The following HTR1E variants were observed in gnomAD, a reference collection of about 807,000 sequenced individuals.
HTR1E encodes 5-hydroxytryptamine receptor 1E, also known as 5-HT-1E.
In HTR1E, 3 loss-of-function variants were observed where a neutral mutation model predicts 3.4. The ratio of observed to expected loss-of-function variants is 0.89; its 90% CI spans 0.41 to 2.31. The LOEUF (loss-of-function observed/expected upper bound fraction) is 2.31. Among genes scored for constraint, HTR1E ranks in the 30% most tolerant of loss-of-function variants. HTR1E has a pLI of 0.05. For missense variants in HTR1E, 392 were observed against 467.0 expected, an observed-to-expected ratio of 0.84 and a Z score of 1.48; for synonymous variants, 170 against 182.8, an observed-to-expected ratio of 0.93 and a Z score of 0.56.
chr6:86,971,008 G>T, intron 1 of HTR1E: 1 of 452,612 alleles, frequency 2.2e-6, no homozygotes, highest in Middle Eastern at 3.8e-4. Flanking sequence ...CATCTGCTTG[G>T]AGGATCTGAT....
intron 1 of HTR1E, among the ~76,000 whole-genome samples, chr6:86,992,674 T>C (rs183789842): frequency 9.9e-5 from 15 of 152,284 alleles, no homozygotes; most frequent in African/African-American, 3.6e-4. Context: ...GTTTATTGAG[T>C]ATCTCTTAGG....
At chr6:86,957,403 G>A (rs1419275033) in intron 1 of HTR1E, among the ~76,000 whole-genome samples, 5 of 152,102 alleles carry the variant, frequency 3.3e-5, no homozygotes, top group Non-Finnish European at 5.9e-5. Context: ...AGCTTTGTAC[G>A]ATAACCTCTA....
At chr6:86,965,209 A>T (rs1767456845) in intron 1 of HTR1E, among the ~76,000 whole-genome samples, 1 of 152,140 alleles carries the variant, frequency 6.6e-6, no homozygotes, top group Admixed American at 6.5e-5. Flanking sequence ...TGCTCCTCTG[A>T]CAGAGCAAGC....
At chr6:86,963,337 C>T (rs1030185480) in intron 1 of HTR1E, among the ~76,000 whole-genome samples, 4 of 152,030 alleles carry the variant, frequency 2.6e-5, no homozygotes, top group Non-Finnish European at 5.9e-5. Flanking sequence ...TTAGTAGGGA[C>T]AGGATTTCAC....
chr6:87,002,035 T>C (rs1768031541), intron 1 of HTR1E, among the ~76,000 whole-genome samples: 1 of 152,234 alleles, frequency 6.6e-6, no homozygotes, highest in African/African-American at 2.4e-5. Flanking sequence ...GGTCATTATA[T>C]AATGATTAAA....
chr6:86,950,515 C>A (rs1283338707), intron 1 of HTR1E, among the ~76,000 whole-genome samples: 1 of 152,180 alleles, frequency 6.6e-6, no homozygotes, highest in African/African-American at 2.4e-5. Flanking sequence ...GAACAAGGTA[C>A]TTAACTACCC....
At chr6:86,966,485 G>A (rs1172119221) in intron 1 of HTR1E, among the ~76,000 whole-genome samples, 1 of 152,128 alleles carries the variant, frequency 6.6e-6, no homozygotes, top group East Asian at 1.9e-4. Flanking sequence ...GGAATCTTGG[G>A]CAATTGTGGG....
intron 1 of HTR1E, among the ~76,000 whole-genome samples, chr6:86,969,371 C>T (rs1199703445): frequency 6.7e-6 from 1 of 149,202 alleles, no homozygotes; most frequent in Non-Finnish European, 1.5e-5. Flanking sequence ...GAGAGGACAC[C>T]TACTCCAACT....
At chr6:86,972,223 T>C (rs1170234427) in intron 1 of HTR1E, among the ~76,000 whole-genome samples, 1 of 152,206 alleles carries the variant, frequency 6.6e-6, no homozygotes, top group East Asian at 1.9e-4. Context: ...ATTCATTCTA[T>C]TCATAAGTTA....
intron 1 of HTR1E, among the ~76,000 whole-genome samples, chr6:86,952,011 G>A (rs1252289704): frequency 6.6e-6 from 1 of 152,152 alleles, no homozygotes; most frequent in African/African-American, 2.4e-5. Context: ...ACACTCTCTT[G>A]ATTACAAGTA....
chr6:86,980,782 A>G (rs946735415), intron 1 of HTR1E, among the ~76,000 whole-genome samples: 1 of 152,146 alleles, frequency 6.6e-6, no homozygotes, highest in African/African-American at 2.4e-5. Context: ...GTTTATGTAA[A>G]CTGGAAACAA....
chr6:86,980,373 C>A (rs1435967350), intron 1 of HTR1E, among the ~76,000 whole-genome samples: 1 of 142,536 alleles, frequency 7.0e-6, no homozygotes, highest in Admixed American at 7.3e-5. Flanking sequence ...GGCAACAGAG[C>A]GAGACTCTGT....
In HTR1E at chr6:87,015,414, T is replaced by C; in HGVS notation, c.80T>C (p.Met27Thr). The C allele has an allele frequency of 6.2e-7, 1 of 1,612,890 alleles. No homozygotes were observed. The highest frequency in any genetic ancestry group is 8.5e-7 in the Non-Finnish European group (1 of 1,179,186). ...ATCACTGAGAAGATGCTCATTTGCA[T>C]GACTCTGGTGGTCATCACCACCCTC... Reference protein sequence around the residue: ...KTITEKMLICMTLVVITTLTT... With the variant: ...KTITEKMLICTTLVVITTLTT... Residue 27 changes from methionine (M) to threonine (T), a missense_variant, in exon 2 of 2, where the codon ATG becomes ACG. This residue lies in a region of HTR1E where 189 missense variants were observed against 258.0 expected (regional missense o/e 0.73). Coordinates refer to ENST00000305344, the MANE Select transcript of HTR1E (RefSeq NM_000865.3).
intron 1 of HTR1E, among the ~76,000 whole-genome samples, chr6:86,979,990 C>A (rs1266913394): frequency 6.6e-6 from 1 of 152,160 alleles, no homozygotes; most frequent in Non-Finnish European, 1.5e-5. Context: ...ACTCTCTCCC[C>A]ATAATCTGAC....
At chr6:86,971,811 C>T (rs1350134219) in intron 1 of HTR1E, among the ~76,000 whole-genome samples, 1 of 152,162 alleles carries the variant, frequency 6.6e-6, no homozygotes, top group African/African-American at 2.4e-5. Context: ...AAGTAGCGAA[C>T]ACAGGTAGTC....
chr6:87,004,751 G>A (rs899269315), intron 1 of HTR1E, among the ~76,000 whole-genome samples: 3 of 151,982 alleles, frequency 2.0e-5, no homozygotes, highest in African/African-American at 7.2e-5. Flanking sequence ...AGAGCAATCA[G>A]ACAAAAGAAA....
chr6:86,950,206 G>C (rs1181592406), intron 1 of HTR1E, among the ~76,000 whole-genome samples: 1 of 151,800 alleles, frequency 6.6e-6, no homozygotes, highest in African/African-American at 2.4e-5. Flanking sequence ...TCTTGAAAAA[G>C]TACATGTTAT....
At chr6:86,968,626 A>G (rs1248319666) in intron 1 of HTR1E, among the ~76,000 whole-genome samples, 3 of 152,136 alleles carry the variant, frequency 2.0e-5, no homozygotes, top group Non-Finnish European at 4.4e-5. Flanking sequence ...TGTGAACTCT[A>G]TTTATATTTT....
intron 1 of HTR1E, among the ~76,000 whole-genome samples, chr6:87,003,748 GA>G (rs942293053): frequency 6.6e-6 from 1 of 151,208 alleles, no homozygotes; most frequent in African/African-American, 2.4e-5. Context: ...AAATTATTAG[GA>G]AAAAAAGGAA....
Sources: gnomAD v4.1 joint callset for allele counts (sites outside exome capture counted in the v4.1 genomes callset) on GRCh38, gnomAD v4.1.1 for gene constraint, gnomAD v4.1.1 regional missense constraint, MANE v1.5 for transcripts, NCBI Gene and HGNC (gene_info 2026-07-23, HGNC 2026-07-21) for gene names.